CASP8: variants seen among roughly 807,000 people sequenced by gnomAD.
CASP8 encodes caspase-8.
Under a neutral mutation model 46.3 loss-of-function variants are expected in CASP8, and 24 were observed. That is an observed-to-expected ratio of 0.52 (90% confidence interval 0.38 to 0.73). The LOEUF (loss-of-function observed/expected upper bound fraction) is 0.73. CASP8 is among the 30% of genes least tolerant of loss of function. The pLI is 0.00. For synonymous variants in CASP8, 188 were observed against 200.4 expected, an observed-to-expected ratio of 0.94 and a Z score of 0.52; for missense variants, 460 against 559.0, an observed-to-expected ratio of 0.82 and a Z score of 1.79.
At chr2:201,262,128 A>G (rs1295226653) in intron 1 of CASP8, 1 of 152,146 alleles carries the variant, frequency 6.6e-6, no homozygotes, top group African/African-American at 2.4e-5. Context: ...TCCAGCTGCA[A>G]GTAGAATGAC....
At chr2:201,269,412 T>C in intron 2 of CASP8, 1 of 745,430 alleles carries the variant, frequency 1.3e-6, no homozygotes. Flanking sequence ...AAGGCACTTA[T>C]TCATTAAGGC....
Position 201,284,806 on chromosome 2 carries a change from C to T in CASP8, c.803-10C>T, listed in dbSNP as rs1175139718. The T allele has an allele frequency of 3.1e-6, 5 of 1,597,086 alleles. No homozygotes were observed. The highest frequency in any genetic ancestry group is 1.7e-6 in the Non-Finnish European group (2 of 1,173,696). ...TGGTATAACGTGACTGTTCAAATTT[C>T]ACTTTTCAGGGGCTTTGACCACGAC... is the stretch of plus-strand genomic sequence containing the variant. On this transcript the variant is annotated splice_polypyrimidine_tract_variant and intron_variant, in intron 7 of 8. Coordinates refer to ENST00000673742, the MANE Select transcript of CASP8 (RefSeq NM_001372051.1).
At chr2:201,285,941 G>A (rs1949536567) in intron 8 of CASP8, among the ~76,000 whole-genome samples, 1 of 152,226 alleles carries the variant, frequency 6.6e-6, no homozygotes, top group Non-Finnish European at 1.5e-5. Flanking sequence ...CTTAGATCAT[G>A]AATCCTGCAA....
intron 7 of CASP8, among the ~76,000 whole-genome samples, chr2:201,280,386 T>A (rs1365743184): frequency 6.6e-6 from 1 of 152,114 alleles, no homozygotes; most frequent in Non-Finnish European, 1.5e-5. Flanking sequence ...AATCTCCAGA[T>A]TGAAAGGGTA....
At chr2:201,285,406 A>G in intron 8 of CASP8, 89 bp downstream of exon 8, 6 of 1,476,868 alleles carry the variant, frequency 4.1e-6, no homozygotes, top group Middle Eastern at 2.4e-4. Flanking sequence ...TTCAGAGCCT[A>G]TTAGAAAGTG....
intron 1 of CASP8, 38 bp downstream of exon 1, chr2:201,260,651 T>C: frequency 1.3e-6 from 1 of 767,606 alleles, no homozygotes; most frequent in Non-Finnish European, 1.6e-6. Flanking sequence ...AGAGGGGCCT[T>C]TTGGGAGGAA....
At chr2:201,269,555 C>A in intron 2 of CASP8, 1 of 1,613,538 alleles carries the variant, frequency 6.2e-7, no homozygotes, top group South Asian at 1.1e-5. Flanking sequence ...ACAGCCAGTG[C>A]CAGACACAGT....
intron 2 of CASP8, among the ~76,000 whole-genome samples, chr2:201,254,504 C>T (rs534591170): frequency 8.5e-5 from 13 of 152,234 alleles, no homozygotes; most frequent in African/African-American, 2.6e-4. Flanking sequence ...GGAGCGGCCC[C>T]GTTGAATCCA....
At chr2:201,277,880 T>C (rs1234742637) in intron 7 of CASP8, 3 of 259,528 alleles carry the variant, frequency 1.2e-5, no homozygotes, top group South Asian at 6.5e-5. Context: ...TTTGTATTTT[T>C]AGTAGAGATG....
intron 7 of CASP8, among the ~76,000 whole-genome samples, chr2:201,283,000 C>A (rs1489359438): frequency 1.7e-5 from 1 of 57,646 alleles, no homozygotes; most frequent in African/African-American, 4.8e-5. Context: ...GGGGGCTGAC[C>A]CCCCCCACCT....
At chr2:201,239,813 A>G (rs1460435410) in intron 2 of CASP8, among the ~76,000 whole-genome samples, 28 of 152,180 alleles carry the variant, frequency 1.8e-4, no homozygotes, top group Non-Finnish European at 2.9e-5. Context: ...CACCGTAATT[A>G]TGAAACTTTT....
intron 7 of CASP8, among the ~76,000 whole-genome samples, chr2:201,277,431 C>T (rs1948706525): frequency 6.6e-6 from 1 of 152,140 alleles, no homozygotes; most frequent in Admixed American, 6.5e-5. Flanking sequence ...TTCTTTTGCT[C>T]AGCCAAATTA....
chr2:201,244,179 C>T (rs1218213349), intron 2 of CASP8, among the ~76,000 whole-genome samples: 4 of 152,178 alleles, frequency 2.6e-5, no homozygotes, highest in Non-Finnish European at 5.9e-5. Flanking sequence ...CTTCCAGCAT[C>T]GTGTACAGAT....
At chr2:201,279,359 A>C (rs1948853279) in intron 7 of CASP8, among the ~76,000 whole-genome samples, 1 of 152,250 alleles carries the variant, frequency 6.6e-6, no homozygotes, top group Non-Finnish European at 1.5e-5. Context: ...AGAGAGACTG[A>C]AGAAAACCTG....
chr2:201,237,963 C>T lies in CASP8; in HGVS notation c.-27+3851C>T, dbSNP rs948859033. On this transcript the variant is annotated intron_variant, in intron 2 of 6. Coordinates refer to the CASP8 transcript ENST00000264274. ...ATCTTGATATAAACTTAGAGAACAA[C>T]CTCTTGGCAAATGGAGAGCAGCTGT... Among the ~76,000 whole-genome samples, 3 of 152,282 alleles carry T rather than the reference C, an allele frequency of 2.0e-5. 1 individual carries two copies. The highest frequency in any genetic ancestry group is 4.1e-4 in the South Asian group (2 of 4,826).
intron 1 of CASP8, among the ~76,000 whole-genome samples, chr2:201,261,391 C>CAAAAAAAAAAA (rs11335061): frequency 1.1e-5 from 1 of 88,538 alleles, no homozygotes; most frequent in African/African-American, 4.4e-5. Context: ...AACTCCGTCT[C>CAAAAAAAAAAA]AAAAAAAAAA....
chr2:201,261,480 T>G (rs1947404086), intron 1 of CASP8, among the ~76,000 whole-genome samples: 1 of 152,050 alleles, frequency 6.6e-6, no homozygotes. Flanking sequence ...ATCAGAGACC[T>G]GCACTTGTGG....
At chr2:201,256,955 G>C (rs1244153565), upstream of CASP8, among the ~76,000 whole-genome samples, 1 of 152,046 alleles carries the variant, frequency 6.6e-6, no homozygotes, top group African/African-American at 2.4e-5. Flanking sequence ...AGACCAGCCT[G>C]ACCAACATGG....
intron 7 of CASP8, among the ~76,000 whole-genome samples, chr2:201,282,281 G>A (rs1487826808): frequency 2.1e-5 from 1 of 47,462 alleles, no homozygotes; most frequent in African/African-American, 7.0e-5. Flanking sequence ...AGGATCCCAA[G>A]GCAGAAGAAT....
Sources: allele counts gnomAD v4.1 joint callset (sites outside exome capture counted in the v4.1 genomes callset), GRCh38; gene constraint gnomAD v4.1.1; transcripts MANE v1.5; gene names NCBI Gene and HGNC (gene_info 2026-07-23, HGNC 2026-07-21).